The following CHEK1 variants were observed in gnomAD, a reference collection of about 807,000 sequenced individuals.
CHEK1 encodes the protein checkpoint kinase 1.
Under a neutral mutation model 60.2 loss-of-function variants are expected in CHEK1, and 32 were observed. That is an observed-to-expected ratio of 0.53 (90% CI 0.40 to 0.71). CHEK1 has a LOEUF of 0.71. CHEK1 is among the 30% of genes least tolerant of loss of function. The pLI is 0.00. For missense variants in CHEK1, 399 were observed against 564.6 expected, an observed-to-expected ratio of 0.71 and a Z score of 2.97; for synonymous variants, 179 against 187.2, an observed-to-expected ratio of 0.96 and a Z score of 0.36.
intron 13 of CHEK1, chr11:125,672,307 G>GA: frequency 7.2e-6 from 2 of 277,566 alleles, no homozygotes; most frequent in South Asian, 8.2e-5. Context: ...ATTAATGGGG[G>GA]AAAAAAAGGT....
At chr11:125,667,880 C>A (rs1241386563) in intron 13 of CHEK1, among the ~76,000 whole-genome samples, 1 of 152,088 alleles carries the variant, frequency 6.6e-6, no homozygotes, top group African/African-American at 2.4e-5. Context: ...ATCAGCCTCC[C>A]AAAAAGTGCT....
chr11:125,626,382 T>C (rs982573404), intron 1 of CHEK1: 81 of 434,084 alleles, frequency 1.9e-4, no homozygotes, highest in Non-Finnish European at 3.3e-5. Flanking sequence ...TTCTGCCCCA[T>C]ACCGCTCCCT....
chr11:125,627,265 C>G (rs1940657663), intron 2 of CHEK1, among the ~76,000 whole-genome samples: 1 of 152,220 alleles, frequency 6.6e-6, no homozygotes, highest in Non-Finnish European at 1.5e-5. Context: ...TTAGGACAGT[C>G]AGTTACACAA....
At chr11:125,629,354 C>T (rs1294798019) in intron 4 of CHEK1, 37 bp from the exon 5 acceptor site, 1 of 1,611,730 alleles carries the variant, frequency 6.2e-7, no homozygotes, top group Admixed American at 1.7e-5. Flanking sequence ...CATTACATTA[C>T]CAAATTCTAG....
At chr11:125,630,314 CTT>C (rs34075954) in intron 5 of CHEK1, among the ~76,000 whole-genome samples, 7 of 143,588 alleles carry the variant, frequency 4.9e-5, no homozygotes, top group Non-Finnish European at 7.6e-5. Context: ...AAATGGTCAG[CTT>C]TTTTTTTTTT....
chr11:125,626,322 G>A (rs1940601142), intron 1 of CHEK1: 1 of 464,502 alleles, frequency 2.2e-6, no homozygotes, highest in African/African-American at 1.9e-5. Flanking sequence ...CTGTGGATGG[G>A]GATGGGAATT....
At chr11:125,633,435 A>G in intron 6 of CHEK1, 84 bp downstream of exon 6, 1 of 1,199,132 alleles carries the variant, frequency 8.3e-7, no homozygotes, top group Non-Finnish European at 1.1e-6. Context: ...CAAGGAATTC[A>G]TGTTTATATA....
chr11:125,672,767 C>G (rs1942264843), intron 13 of CHEK1: 1 of 1,607,892 alleles, frequency 6.2e-7, no homozygotes, highest in Non-Finnish European at 8.5e-7. Context: ...GTCCTCCAAC[C>G]TTAGCCTTTA....
chr11:125,660,749 TAAC>T (rs559470563), downstream of CHEK1, among the ~76,000 whole-genome samples: 27 of 140,310 alleles, frequency 1.9e-4, no homozygotes, highest in Admixed American at 4.9e-4. Flanking sequence ...AAGGATTTAT[TAAC>T]AAAAAAAAAA....
downstream of CHEK1, among the ~76,000 whole-genome samples, chr11:125,658,390 C>T (rs866011239): frequency 1.3e-5 from 2 of 152,138 alleles, no homozygotes; most frequent in Admixed American, 6.6e-5. Flanking sequence ...CATGCCTGTT[C>T]TAGTCTTTTG....
intron 5 of CHEK1, among the ~76,000 whole-genome samples, chr11:125,630,314 C>CT (rs34075954): frequency 0.11 from 15,958 of 143,532 alleles, 981 homozygotes; most frequent in Middle Eastern, 0.15. Flanking sequence ...AAATGGTCAG[C>CT]TTTTTTTTTT....
chr11:125,640,725 A>G (rs1941269715), intron 8 of CHEK1, among the ~76,000 whole-genome samples: 1 of 151,978 alleles, frequency 6.6e-6, no homozygotes, highest in African/African-American at 2.4e-5. Flanking sequence ...GTGAGCCACT[A>G]TGCCCGGCTA....
downstream of CHEK1, among the ~76,000 whole-genome samples, chr11:125,680,567 C>A (rs1942749262): frequency 6.6e-6 from 1 of 152,176 alleles, no homozygotes; most frequent in Non-Finnish European, 1.5e-5. Flanking sequence ...CTAGAGAAAT[C>A]AACTGGTTCA....
Position 125,637,560 on chromosome 11 carries a change from T to C in CHEK1, c.814+16T>C. 1 of 1,559,202 alleles carries C rather than the reference T, an allele frequency of 6.4e-7. No individual in the cohort carries two copies. Among genetic ancestry groups the C allele is most frequent in the Non-Finnish European group, 8.7e-7 (1 of 1,143,778 alleles). On this transcript the variant is annotated intron_variant, in intron 8 of 12. Transcript: ENST00000438015. Reference sequence around the variant, plus strand: ...CTCAAGAAAGGTAATATCCTTAAACTACAAGTTTGTTTGTTTTTCTGTGGA... The same window carrying C: ...CTCAAGAAAGGTAATATCCTTAAACCACAAGTTTGTTTGTTTTTCTGTGGA...
In CHEK1 at chr11:125,656,168, T is replaced by C. The variant is rs993953816; in HGVS notation, c.*848T>C. The C allele has an allele frequency of 4.8e-6, 1 of 209,596 alleles. No homozygotes were observed. Among genetic ancestry groups the C allele is most frequent in the Non-Finnish European group, 9.7e-6 (1 of 103,102 alleles). 13.0% of individuals were successfully genotyped at this position (209,596 alleles called of 1,614,324 possible). On this transcript the variant is annotated 3_prime_UTR_variant, in exon 13 of 13. Coordinates refer to ENST00000438015, the MANE Select transcript of CHEK1 (RefSeq NM_001114122.3). The stretch of plus-strand genomic sequence containing the variant: ...CTGTTAGACTTACAAAAAGTTTGTT[T>C]TTCTAATAAAATTTGTATCAACTTT...
chr11:125,625,486 G>C lies in CHEK1; in HGVS notation c.-547G>C, dbSNP rs989384884. The C allele has an allele frequency of 5.2e-6, 2 of 384,842 alleles. No homozygotes were observed. The highest frequency in any genetic ancestry group is 4.0e-5 in the African/African-American group (2 of 49,514). The allele number at this position is 384,842 out of a possible 1,614,324, so 23.8% of individuals were successfully genotyped here. ...GCTGGTTTCTCGGCTCCAGCACCAC[G>C]AGTACCGCACTCTGAGGTTTACAAA... On this transcript the variant is annotated 5_prime_UTR_variant, in exon 1 of 13. Transcript: ENST00000438015.
At position 125,643,869 on chromosome 11, in the gene CHEK1, T is replaced by C; in HGVS notation, c.892T>C (p.Leu298=). The C allele has an allele frequency of 1.2e-6, 2 of 1,614,120 alleles. No homozygotes were observed. The highest frequency in any genetic ancestry group is 1.1e-5 in the South Asian group (1 of 91,074). Residue 298 remains leucine, a synonymous_variant, in exon 9 of 13, where the codon TTG becomes CTG. Transcript: ENST00000438015. The part of the protein sequence containing the change: ...SGFSKHIQSN[L]DFSPVNSASS... Reference sequence around the variant, plus strand: ...ATTTTCTAAGCACATTCAATCCAATTTGGACTTCTCTCCAGTAAACAGTGC... The same window carrying C: ...ATTTTCTAAGCACATTCAATCCAATCTGGACTTCTCTCCAGTAAACAGTGC...
downstream of CHEK1, chr11:125,680,930 T>C (rs1369903314): frequency 4.5e-6 from 3 of 671,068 alleles, no homozygotes; most frequent in Admixed American, 7.9e-5. Context: ...TCACAATGGG[T>C]TGGGCTCTGA....
downstream of CHEK1, among the ~76,000 whole-genome samples, chr11:125,660,751 A>C: frequency 7.1e-6 from 1 of 141,676 alleles, no homozygotes; most frequent in Non-Finnish European, 1.6e-5. Context: ...GGATTTATTA[A>C]CAAAAAAAAA....
Sources: allele counts gnomAD v4.1 joint callset (sites outside exome capture counted in the v4.1 genomes callset), GRCh38; gene constraint gnomAD v4.1.1; transcripts MANE v1.5; gene names NCBI Gene and HGNC (gene_info 2026-07-23, HGNC 2026-07-21).